NCAM1: variants seen among roughly 807,000 people sequenced by gnomAD.
The protein encoded by NCAM1 is neural cell adhesion molecule 1.
A neutral mutation model predicts 109.8 loss-of-function variants in NCAM1; 14 were observed. The ratio of observed to expected loss-of-function variants is 0.13; its 90% confidence interval spans 0.08 to 0.20. The LOEUF (loss-of-function observed/expected upper bound fraction) is 0.20. NCAM1 is among the 10% of genes least tolerant of loss of function. NCAM1 has a pLI of 1.00. For missense variants in NCAM1, 774 were observed against 1,109.9 expected (o/e 0.70, Z 4.30); for synonymous variants, 418 against 442.9 (o/e 0.94, Z 0.70).
At chr11:113,088,107 CAA>C (rs1160819333) in intron 1 of NCAM1, among the ~76,000 whole-genome samples, 3 of 152,156 alleles carry the variant, frequency 2.0e-5, no homozygotes, top group African/African-American at 7.2e-5. Context: ...GCTGAAGAAT[CAA>C]AGTTTAACGT....
chr11:112,979,746 G>A (rs2134660220), intron 1 of NCAM1, among the ~76,000 whole-genome samples: 1 of 151,944 alleles, frequency 6.6e-6, no homozygotes, highest in African/African-American at 2.4e-5. Flanking sequence ...GGGTGCAGAA[G>A]CTCAGTCTAA....
At chr11:113,201,803 G>A (rs1944069731) in intron 1 of NCAM1, among the ~76,000 whole-genome samples, 1 of 152,220 alleles carries the variant, frequency 6.6e-6, no homozygotes. Flanking sequence ...TGTTGGTCCT[G>A]TAGTCGTGAG....
intron 1 of NCAM1, among the ~76,000 whole-genome samples, chr11:112,980,434 A>G (rs1951123065): frequency 1.3e-5 from 2 of 151,844 alleles, no homozygotes; most frequent in African/African-American, 4.8e-5. Flanking sequence ...ATTTCCATCA[A>G]TTGATGAATG....
rs71857683 is a variant in NCAM1, at chr11:113,237,867, TATATAGATATATATAGATATATAG to T, written c.1825+2717_1825+2740del. ...GCAAAGGTGAGACCATATATATAGATATATAGATATATATAGATATATAGATATAGATATATAGATATATATAGA... is the reference window on the plus strand; with the variant it reads ...GCAAAGGTGAGACCATATATATAGATATATAGATATATAGATATATATAGA... On this transcript the variant is annotated intron_variant, in intron 14 of 19. Coordinates refer to ENST00000316851, the MANE Select transcript of NCAM1 (RefSeq NM_181351.5). 3.8e-3 allele frequency among the ~76,000 whole-genome samples: 222 copies of T among 58,264 alleles called. 7 individuals are homozygous for T. Among genetic ancestry groups the T allele is most frequent in the South Asian group, 9.9e-3 (9 of 910 alleles). 38.2% of individuals were successfully genotyped at this position (58,264 alleles called of 152,430 possible). A position where few individuals can be genotyped will look rare whatever the true frequency, so the allele number is the denominator to read the frequency against.
intron 17 of NCAM1, among the ~76,000 whole-genome samples, chr11:113,261,295 A>G (rs1278046692): frequency 2.0e-5 from 3 of 152,030 alleles, no homozygotes; most frequent in African/African-American, 7.2e-5. Flanking sequence ...TGGCCTGCCT[A>G]TGATGCAGGG....
chr11:113,023,140 T>A (rs1332387705), intron 1 of NCAM1, among the ~76,000 whole-genome samples: 1 of 152,218 alleles, frequency 6.6e-6, no homozygotes, highest in Non-Finnish European at 1.5e-5. Flanking sequence ...CTATACTGTT[T>A]ATGCAAATAT....
intron 1 of NCAM1, among the ~76,000 whole-genome samples, chr11:113,113,625 G>A (rs1332802971): frequency 2.0e-5 from 3 of 152,138 alleles, no homozygotes; most frequent in Non-Finnish European, 4.4e-5. Flanking sequence ...GAGCCTGATA[G>A]GGTGGAACCA....
At chr11:113,154,851 C>T (rs1012776447) in intron 1 of NCAM1, among the ~76,000 whole-genome samples, 2 of 152,124 alleles carry the variant, frequency 1.3e-5, no homozygotes, top group Non-Finnish European at 2.9e-5. Context: ...TAGGGGAGAA[C>T]CCCTGAATGA....
intron 1 of NCAM1, among the ~76,000 whole-genome samples, chr11:113,088,456 T>C (rs1369075685): frequency 1.3e-5 from 2 of 152,188 alleles, no homozygotes; most frequent in African/African-American, 4.8e-5. Context: ...TGAAACCACA[T>C]GGTGGGATTA....
At chr11:113,267,561 T>A (rs1591473957) in intron 17 of NCAM1, among the ~76,000 whole-genome samples, 1 of 152,092 alleles carries the variant, frequency 6.6e-6, no homozygotes, top group Non-Finnish European at 1.5e-5. Flanking sequence ...CGGGTTGAGC[T>A]GGATGTGTTC....
chr11:113,160,805 C>T (rs1392907714), intron 1 of NCAM1, among the ~76,000 whole-genome samples: 2 of 152,182 alleles, frequency 1.3e-5, no homozygotes, highest in African/African-American at 4.8e-5. Context: ...GAATTCACCA[C>T]AGATTGTACA....
chr11:113,124,678 A>T (rs1406857168), intron 1 of NCAM1, among the ~76,000 whole-genome samples: 1 of 152,256 alleles, frequency 6.6e-6, no homozygotes, highest in African/African-American at 2.4e-5. Flanking sequence ...ATTATAACTT[A>T]TCAAAAGATA....
chr11:113,030,238 A>C (rs1314083287), intron 1 of NCAM1, among the ~76,000 whole-genome samples: 1 of 152,118 alleles, frequency 6.6e-6, no homozygotes, highest in African/African-American at 2.4e-5. Flanking sequence ...AACACTAAAC[A>C]AGTGCTTGTT....
At chr11:113,197,874 G>T (rs1304455899) in intron 1 of NCAM1, among the ~76,000 whole-genome samples, 1 of 152,168 alleles carries the variant, frequency 6.6e-6, no homozygotes, top group Non-Finnish European at 1.5e-5. Context: ...AAGCACCTGA[G>T]CATCTTTTAG....
At chr11:112,970,129 C>A (rs532004036) in intron 1 of NCAM1, among the ~76,000 whole-genome samples, 1 of 152,142 alleles carries the variant, frequency 6.6e-6, no homozygotes, top group Admixed American at 6.5e-5. Flanking sequence ...TTGGGGCAAG[C>A]CATATTTAAA....
At chr11:113,251,101 C>T (rs181008975) in intron 15 of NCAM1, among the ~76,000 whole-genome samples, 3 of 152,290 alleles carry the variant, frequency 2.0e-5, no homozygotes, top group Non-Finnish European at 2.9e-5. Context: ...GTGCCCAGCC[C>T]CAGATAGAGG....
At chr11:113,249,425 T>G (rs1174401566) in intron 15 of NCAM1, among the ~76,000 whole-genome samples, 1 of 151,852 alleles carries the variant, frequency 6.6e-6, no homozygotes, top group Non-Finnish European at 1.5e-5. Context: ...CCGAATCCTG[T>G]GGGCAGGGAC....
intron 1 of NCAM1, among the ~76,000 whole-genome samples, chr11:113,172,680 C>T (rs982255192): frequency 2.6e-5 from 4 of 152,068 alleles, no homozygotes; most frequent in Admixed American, 6.6e-5. Context: ...AAATTGTGTT[C>T]GGTAAAGGAA....
intron 1 of NCAM1, among the ~76,000 whole-genome samples, chr11:113,185,424 C>A (rs574191560): frequency 2.0e-5 from 3 of 152,228 alleles, no homozygotes; most frequent in Non-Finnish European, 4.4e-5. Flanking sequence ...ACTCAGTCTA[C>A]CCAATTTCAA....
Sources: allele counts gnomAD v4.1 joint callset (sites outside exome capture counted in the v4.1 genomes callset), GRCh38; gene constraint gnomAD v4.1.1; transcripts MANE v1.5; gene names NCBI Gene and HGNC (gene_info 2026-07-23, HGNC 2026-07-21).